PREX2: variants seen among roughly 807,000 people sequenced by gnomAD.
The protein encoded by PREX2 is phosphatidylinositol-3,4,5-trisphosphate dependent Rac exchange factor 2.
PREX2 carries 107 observed loss-of-function variants against 203.2 expected under a neutral mutation model. The observed-to-expected ratio is 0.53, with a 90% confidence interval of 0.45 to 0.62. The LOEUF (loss-of-function observed/expected upper bound fraction) is 0.62. Ranked by LOEUF, PREX2 falls within the 20% of genes least tolerant of loss-of-function variation. The pLI is 0.00. For missense variants in PREX2, 1,777 were observed against 1,955.9 expected (o/e 0.91, Z 1.72); for synonymous variants, 672 against 663.6 (o/e 1.01, Z -0.19).
In PREX2 at chr8:68,228,040, T is replaced by C. The variant is rs1279283507; in HGVS notation, c.4776-3293T>C. On this transcript the variant is annotated intron_variant, in intron 39 of 39. Coordinates refer to ENST00000288368, the MANE Select transcript of PREX2 (RefSeq NM_024870.4). ...GTAGAATACAAAGACAAAATAAATT[T>C]AGAGAATCAAGTGAATGGGTATTGT... Among the ~76,000 whole-genome samples, 3 of 152,090 alleles carry C rather than the reference T, an allele frequency of 2.0e-5. No individual in the cohort carries two copies. In the East Asian group the frequency reaches 5.8e-4, roughly 29 times the overall value.
intron 1 of PREX2, among the ~76,000 whole-genome samples, chr8:67,974,279 A>G (rs1806006708): frequency 6.6e-6 from 1 of 152,142 alleles, no homozygotes; most frequent in African/African-American, 2.4e-5. Context: ...ACAAGATACA[A>G]TTTGCCAGTA....
At chr8:68,160,739 C>T (rs1811636993) in intron 35 of PREX2, among the ~76,000 whole-genome samples, 1 of 151,970 alleles carries the variant, frequency 6.6e-6, no homozygotes, top group Admixed American at 6.6e-5. Flanking sequence ...ATGATAATTC[C>T]AAGATTTCAA....
At position 68,080,486 on chromosome 8, in the gene PREX2, T is replaced by G. The variant is rs757558309; in HGVS notation, c.1686T>G (p.Arg562=). The change falls in exon 16 of 40, where the codon CGT becomes CGG. Residue 562 remains arginine (R), a synonymous_variant. Coordinates refer to ENST00000288368, the MANE Select transcript of PREX2 (RefSeq NM_024870.4). ...TCAAAGATGAACCCCTACTTTTCCG[T>G]TTTTTTTCGGATGAGGAAATGGAGG... The part of the protein sequence containing the change: ...SEFKDEPLLF[R]FFSDEEMEGS... The G allele has an allele frequency of 6.8e-6, 11 of 1,610,658 alleles. 1 individual carries two copies. The South Asian group carries it at 1.1e-4, about 16-fold the overall frequency.
intron 23 of PREX2, among the ~76,000 whole-genome samples, chr8:68,100,393 A>G (rs1332456956): frequency 6.6e-6 from 1 of 152,240 alleles, no homozygotes; most frequent in Non-Finnish European, 1.5e-5. Flanking sequence ...TGGGAGAGAC[A>G]GCAAGTAAGT....
chr8:68,210,123 T>G (rs1812715770), intron 37 of PREX2, among the ~76,000 whole-genome samples: 1 of 152,214 alleles, frequency 6.6e-6, no homozygotes, highest in Non-Finnish European at 1.5e-5. Flanking sequence ...AGTGGTACCT[T>G]TGTAGGTAGC....
chr8:68,079,217 CGTT>C (rs1487217301), intron 15 of PREX2, among the ~76,000 whole-genome samples: 3 of 152,084 alleles, frequency 2.0e-5, no homozygotes, highest in Non-Finnish European at 4.4e-5. Flanking sequence ...TTATGGCTTC[CGTT>C]GTTTTTCAAA....
chr8:67,966,669 A>G (rs1585660378), intron 1 of PREX2, among the ~76,000 whole-genome samples: 1 of 152,190 alleles, frequency 6.6e-6, no homozygotes, highest in East Asian at 1.9e-4. Context: ...TTTATAAATT[A>G]ATGTGCAAAA....
chr8:67,993,754 C>A lies in PREX2; in HGVS notation c.142-24092C>A, dbSNP rs201321099. Among the ~76,000 whole-genome samples, 30 of 152,194 alleles carry A rather than the reference C, an allele frequency of 2.0e-4. 1 individual carries two copies. In the East Asian group the frequency reaches 4.8e-3, roughly 25 times the overall value. ...TTAACTATTTATTGAGTATTTTATC[C>A]AGGGCCAATCACCATGGGAATACCC... On this transcript the variant is annotated intron_variant, in intron 1 of 39. Coordinates refer to ENST00000288368, the MANE Select transcript of PREX2 (RefSeq NM_024870.4).
rs780988989 is a variant in PREX2, at chr8:68,087,775, A to G, written c.2079A>G (p.Gly693=). Residue 693 remains glycine, a synonymous_variant, in exon 19 of 40, where the codon GGA becomes GGG. Coordinates refer to ENST00000288368, the MANE Select transcript of PREX2 (RefSeq NM_024870.4). ...SADGLGFQIR[G]FGPSVVHAVG... ...ATGGACTTGGCTTCCAGATCCGGGG[A>G]TTTGGCCCTTCTGTTGTGCATGCTG... 1.2e-6 allele frequency: 2 copies of G among 1,613,762 alleles called. No homozygotes were observed. The highest frequency in any genetic ancestry group is 8.5e-7 in the Non-Finnish European group (1 of 1,179,778).
At chr8:68,017,213 G>A (rs1001119338) in intron 1 of PREX2, among the ~76,000 whole-genome samples, 4 of 151,888 alleles carry the variant, frequency 2.6e-5, no homozygotes, top group East Asian at 3.9e-4. Flanking sequence ...TTACTAAAGG[G>A]CTTATTTGCC....
intron 39 of PREX2, among the ~76,000 whole-genome samples, chr8:68,227,615 T>A (rs1428411919): frequency 1.3e-5 from 2 of 151,908 alleles, no homozygotes; most frequent in Admixed American, 1.3e-4. Context: ...AATGTATGGG[T>A]AAGAGAGATG....
intron 35 of PREX2, among the ~76,000 whole-genome samples, chr8:68,178,657 T>C (rs758018803): frequency 2.0e-4 from 30 of 152,200 alleles, no homozygotes; most frequent in African/African-American, 6.3e-4. Flanking sequence ...GTTTTTAATA[T>C]GAGAAACTAA....
intron 32 of PREX2, among the ~76,000 whole-genome samples, chr8:68,137,204 C>T (rs1408763540): frequency 6.6e-6 from 1 of 151,994 alleles, no homozygotes; most frequent in Non-Finnish European, 1.5e-5. Flanking sequence ...CCATGCCTGG[C>T]CTACAGCAAC....
chr8:68,110,934 G>T (rs770700206), intron 25 of PREX2: 2 of 434,842 alleles, frequency 4.6e-6, no homozygotes, highest in South Asian at 1.7e-5. Context: ...ATTTACAGAT[G>T]AATTAAACCG....
chr8:68,047,914 A>G (rs1339089948), intron 8 of PREX2, among the ~76,000 whole-genome samples: 1 of 152,016 alleles, frequency 6.6e-6, no homozygotes, highest in Admixed American at 6.6e-5. Context: ...AAATCTTTTG[A>G]TAAATAATAT....
chr8:68,208,013 T>C (rs989015625), intron 37 of PREX2, among the ~76,000 whole-genome samples: 24 of 152,156 alleles, frequency 1.6e-4, no homozygotes, highest in African/African-American at 5.8e-4. Context: ...AGATCTTGTA[T>C]TTCATGTGAA....
chr8:68,187,108 T>TACAGGTGG lies in PREX2; in HGVS notation c.4347-4614_4347-4613insACAGGTGG, dbSNP rs529140369. On this transcript the variant is annotated intron_variant, in intron 35 of 39. Transcript: ENST00000288368. ...CAACCAGCTGTTTCTGTAGCAATGC[T>TACAGGTGG]TCCCTTAGGTGGTACTGATGAGCTA... is the stretch of plus-strand genomic sequence containing the variant. Among the ~76,000 whole-genome samples, 1,089 of 152,176 alleles carry TACAGGTGG rather than the reference T, an allele frequency of 7.2e-3. 12 individuals are homozygous for TACAGGTGG. The highest frequency in any genetic ancestry group is 0.024 in the African/African-American group (985 of 41,500).
chr8:68,071,432 G>T (rs1809192495), intron 13 of PREX2, among the ~76,000 whole-genome samples: 1 of 152,150 alleles, frequency 6.6e-6, no homozygotes, highest in African/African-American at 2.4e-5. Context: ...GGGTGATGAG[G>T]TGTCAGAAAC....
At chr8:68,190,674 A>C (rs1274436567) in intron 35 of PREX2, among the ~76,000 whole-genome samples, 1 of 152,116 alleles carries the variant, frequency 6.6e-6, no homozygotes, top group Non-Finnish European at 1.5e-5. Context: ...TGATGGGTAC[A>C]GTAGAAGCCC....
Sources: gnomAD v4.1 joint callset for allele counts (sites outside exome capture counted in the v4.1 genomes callset) on GRCh38, gnomAD v4.1.1 for gene constraint, MANE v1.5 for transcripts, NCBI Gene and HGNC (gene_info 2026-07-23, HGNC 2026-07-21) for gene names.